Variants in BCL2L1 observed in about 807,000 individuals in gnomAD.
The protein encoded by BCL2L1 is BCL2 like 1, also known as bcl-2-like protein 1.
In BCL2L1, 1 loss-of-function variant was observed where a neutral mutation model predicts 18.7. The ratio of observed to expected loss-of-function variants is 0.05; its 90% CI spans 0.02 to 0.25. The LOEUF (loss-of-function observed/expected upper bound fraction) is 0.25. Among genes scored for constraint, BCL2L1 ranks in the 10% least tolerant of loss-of-function variants. The pLI, the probability that BCL2L1 is intolerant of heterozygous loss-of-function variation, is 1.00. For synonymous variants in BCL2L1, 103 were observed against 122.7 expected, an observed-to-expected ratio of 0.84 and a Z score of 1.06; for missense variants, 207 against 304.9, an observed-to-expected ratio of 0.68 and a Z score of 2.39.
At chr20:31,670,028 G>C (rs753022212) in intron 2 of BCL2L1, among the ~76,000 whole-genome samples, 4 of 152,186 alleles carry the variant, frequency 2.6e-5, no homozygotes, top group Non-Finnish European at 5.9e-5. Flanking sequence ...TTCAAAGGGA[G>C]GGCTGCTATG....
At chr20:31,720,328 A>C (rs2061602523) in intron 2 of BCL2L1, among the ~76,000 whole-genome samples, 1 of 152,180 alleles carries the variant, frequency 6.6e-6, no homozygotes, top group South Asian at 2.1e-4. Flanking sequence ...TGCATTCTTG[A>C]CATTCCTGAG....
At chr20:31,722,447 G>A (rs2061651686) in intron 1 of BCL2L1, 99 bp from the exon 2 acceptor site, 1 of 389,544 alleles carries the variant, frequency 2.6e-6, no homozygotes, top group Admixed American at 4.2e-5. Flanking sequence ...GTCTTACGAA[G>A]GTCTGGGTCT....
chr20:31,720,930 G>C (rs2061614608), intron 2 of BCL2L1: 1 of 985,386 alleles, frequency 1.0e-6, no homozygotes, highest in African/African-American at 1.7e-5. Context: ...CAGGCAATGA[G>C]GTGCAAAGTC....
At chr20:31,700,729 T>C (rs1335357992) in intron 2 of BCL2L1, among the ~76,000 whole-genome samples, 4 of 152,252 alleles carry the variant, frequency 2.6e-5, no homozygotes, top group African/African-American at 9.6e-5. Flanking sequence ...GCATTTATTG[T>C]TGGCTTTTAC....
At chr20:31,718,084 G>A (rs1003429072) in intron 2 of BCL2L1, among the ~76,000 whole-genome samples, 2 of 152,174 alleles carry the variant, frequency 1.3e-5, no homozygotes, top group East Asian at 1.9e-4. Flanking sequence ...GCAGGAGAAG[G>A]GCTTTTGTGC....
intron 2 of BCL2L1, among the ~76,000 whole-genome samples, chr20:31,677,968 T>C (rs1197999304): frequency 6.6e-6 from 1 of 152,172 alleles, no homozygotes; most frequent in African/African-American, 2.4e-5. Flanking sequence ...TCTTCATCCC[T>C]TTCCTCACTG....
At chr20:31,708,250 G>A (rs908497572) in intron 2 of BCL2L1, among the ~76,000 whole-genome samples, 19 of 152,178 alleles carry the variant, frequency 1.2e-4, no homozygotes, top group African/African-American at 3.9e-4. Flanking sequence ...AAGGGCATGG[G>A]AGTATTTTCT....
intron 2 of BCL2L1, among the ~76,000 whole-genome samples, chr20:31,674,990 T>C (rs565692655): frequency 1.3e-5 from 2 of 151,972 alleles, no homozygotes; most frequent in African/African-American, 4.8e-5. Context: ...TAAAGTAGCC[T>C]GAGGCCATCA....
At chr20:31,672,640 C>A (rs1181325547) in intron 2 of BCL2L1, among the ~76,000 whole-genome samples, 1 of 152,186 alleles carries the variant, frequency 6.6e-6, no homozygotes, top group African/African-American at 2.4e-5. Context: ...CAGACAGGCA[C>A]AGACTGACTT....
intron 2 of BCL2L1, among the ~76,000 whole-genome samples, chr20:31,673,386 C>T (rs573213653): frequency 1.6e-4 from 24 of 151,172 alleles, no homozygotes; most frequent in Non-Finnish European, 3.2e-4. Context: ...TACTTGTTAA[C>T]AGTAATAAAA....
At chr20:31,686,874 G>A (rs1451166453) in intron 2 of BCL2L1, among the ~76,000 whole-genome samples, 1 of 152,096 alleles carries the variant, frequency 6.6e-6, no homozygotes, top group Non-Finnish European at 1.5e-5. Flanking sequence ...GTTAAGTGAG[G>A]GCTTTTGAGT....
At chr20:31,672,721 A>G (rs1270963686) in intron 2 of BCL2L1, among the ~76,000 whole-genome samples, 1 of 152,244 alleles carries the variant, frequency 6.6e-6, no homozygotes, top group Non-Finnish European at 1.5e-5. Context: ...GTGACCCTGT[A>G]GAAGTCAGGT....
chr20:31,707,931 T>C (rs765339529), intron 2 of BCL2L1, among the ~76,000 whole-genome samples: 29 of 152,280 alleles, frequency 1.9e-4, no homozygotes, highest in Non-Finnish European at 3.5e-4. Context: ...GTTTGTCAAA[T>C]TTCGTACCTG....
chr20:31,719,862 C>T (rs920577425), intron 2 of BCL2L1, among the ~76,000 whole-genome samples: 2 of 152,198 alleles, frequency 1.3e-5, no homozygotes, highest in African/African-American at 2.4e-5. Context: ...AGACAATAGT[C>T]AGGCAAAGTG....
chr20:31,723,924 CAG>C (rs904516434), upstream of BCL2L1: 7 of 985,330 alleles, frequency 7.1e-6, no homozygotes, highest in South Asian at 4.7e-5. Context: ...CCTGAAGAGA[CAG>C]GGGAACTTGC....
At chr20:31,714,184 C>T (rs927086617) in intron 2 of BCL2L1, among the ~76,000 whole-genome samples, 4 of 152,154 alleles carry the variant, frequency 2.6e-5, no homozygotes, top group Non-Finnish European at 4.4e-5. Flanking sequence ...TGGTGGAATC[C>T]GCCACAAGGC....
rs1295947703 is a variant in BCL2L1, at chr20:31,664,644, C to A, written c.*1305G>T. 2 of 214,916 alleles carry A rather than the reference C, an allele frequency of 9.3e-6. No individual in the cohort carries two copies. Among genetic ancestry groups the A allele is most frequent in the Non-Finnish European group, 1.9e-5 (2 of 106,000 alleles). 13.3% of individuals were successfully genotyped at this position (214,916 alleles called of 1,614,324 possible). On this transcript the variant is annotated 3_prime_UTR_variant, in exon 3 of 3. Coordinates refer to ENST00000307677, the MANE Select transcript of BCL2L1 (RefSeq NM_138578.3). ...AGCATCAGGCCGTCCAATCTCCGGG[C>A]ACCAGCTCTCCACGTGCACGCGCAC...
At chr20:31,723,745 C>T (rs368355156), upstream of BCL2L1, 87 of 985,418 alleles carry the variant, frequency 8.8e-5, no homozygotes, top group Middle Eastern at 5.7e-3. Flanking sequence ...CTGCGAGCCC[C>T]GCGAGCCGTG....
At chr20:31,668,856 C>T (rs922729384) in intron 2 of BCL2L1, among the ~76,000 whole-genome samples, 12 of 151,818 alleles carry the variant, frequency 7.9e-5, no homozygotes, top group Non-Finnish European at 1.5e-4. Flanking sequence ...CTGCTCACCT[C>T]GGCCTCCCAA....
Sources: gnomAD v4.1 joint callset for allele counts (sites outside exome capture counted in the v4.1 genomes callset) on GRCh38, gnomAD v4.1.1 for gene constraint, MANE v1.5 for transcripts, NCBI Gene and HGNC (gene_info 2026-07-23, HGNC 2026-07-21) for gene names.